Variants in TEC observed in about 807,000 individuals in gnomAD.
The protein encoded by TEC is tec protein tyrosine kinase, also known as tyrosine-protein kinase Tec.
In TEC, 72 loss-of-function variants were observed where a neutral mutation model predicts 93.0. The observed-to-expected ratio is 0.77, with a 90% confidence interval of 0.64 to 0.94. The LOEUF (loss-of-function observed/expected upper bound fraction) is 0.94. TEC is among the 40% of genes least tolerant of loss of function. TEC has a pLI of 0.00. For missense variants in TEC, 630 were observed against 757.9 expected, an observed-to-expected ratio of 0.83 and a Z score of 1.98; for synonymous variants, 249 against 247.7, an observed-to-expected ratio of 1.01 and a Z score of -0.05.
At chr4:48,137,906 C>T (rs1277908244) in intron 17 of TEC, among the ~76,000 whole-genome samples, 1 of 152,144 alleles carries the variant, frequency 6.6e-6, no homozygotes, top group Non-Finnish European at 1.5e-5. Flanking sequence ...TTATAACCAC[C>T]TCCTTACCTT....
At chr4:48,265,513 A>T (rs1379709905) in intron 1 of TEC, among the ~76,000 whole-genome samples, 16 of 89,858 alleles carry the variant, frequency 1.8e-4, no homozygotes, top group African/African-American at 5.1e-4. Context: ...ATATATATAT[A>T]TATTTTTTTT....
At chr4:48,157,212 T>G (rs1277700522) in intron 8 of TEC, among the ~76,000 whole-genome samples, 4 of 152,228 alleles carry the variant, frequency 2.6e-5, no homozygotes, top group Admixed American at 6.5e-5. Flanking sequence ...TATTATTGTC[T>G]GTAATTCAAA....
At position 48,152,103 on chromosome 4, in the gene TEC, A is replaced by G. The variant is rs74653304; in HGVS notation, c.793-1161T>C. Among the ~76,000 whole-genome samples, 1,090 of 152,312 alleles carry G rather than the reference A, an allele frequency of 7.2e-3. 15 individuals are homozygous for G. The highest frequency in any genetic ancestry group is 0.025 in the African/African-American group (1,028 of 41,550). Reference sequence around the variant, plus strand: ...TCCACAAAAATATCTGGTAACAATTAGGGATAATAATTGTAACTGGTCAGT... The same window carrying G: ...TCCACAAAAATATCTGGTAACAATTGGGGATAATAATTGTAACTGGTCAGT... On this transcript the variant is annotated intron_variant, in intron 9 of 17. Transcript: ENST00000381501.
intron 1 of TEC, among the ~76,000 whole-genome samples, chr4:48,239,981 A>AGTGTGTGTGT (rs5858109): frequency 1.9e-3 from 286 of 149,596 alleles, no homozygotes; most frequent in African/African-American, 5.1e-3. Flanking sequence ...TTGCTCTGTG[A>AGTGTGTGTGT]GTGTGTGTGT....
chr4:48,195,247 G>C (rs980230611), intron 2 of TEC, among the ~76,000 whole-genome samples: 2 of 152,148 alleles, frequency 1.3e-5, no homozygotes, highest in Admixed American at 6.5e-5. Context: ...GTACTATTCT[G>C]TCTACTGTTC....
chr4:48,214,989 C>A (rs556468334), intron 2 of TEC, among the ~76,000 whole-genome samples: 72 of 152,014 alleles, frequency 4.7e-4, no homozygotes, highest in African/African-American at 1.7e-3. Context: ...CCTGTCTCTA[C>A]TAAAAATACA....
intron 15 of TEC, among the ~76,000 whole-genome samples, chr4:48,139,655 C>T (rs1310584385): frequency 4.6e-5 from 7 of 152,126 alleles, no homozygotes; most frequent in African/African-American, 1.7e-4. Flanking sequence ...GAAGAACATA[C>T]AAAAACTGGT....
chr4:48,237,796 TCAC>T (rs1222532868), intron 1 of TEC, among the ~76,000 whole-genome samples: 1 of 152,234 alleles, frequency 6.6e-6, no homozygotes, highest in Non-Finnish European at 1.5e-5. Context: ...TGACCTTATT[TCAC>T]ATCTCATCAC....
At chr4:48,253,083 A>T (rs1383919215) in intron 1 of TEC, among the ~76,000 whole-genome samples, 1 of 152,100 alleles carries the variant, frequency 6.6e-6, no homozygotes, top group Non-Finnish European at 1.5e-5. Flanking sequence ...GAACCTCGTT[A>T]ACATCTCCCA....
At chr4:48,216,623 C>T (rs565887881) in intron 2 of TEC, among the ~76,000 whole-genome samples, 2 of 152,136 alleles carry the variant, frequency 1.3e-5, no homozygotes, top group South Asian at 4.2e-4. Flanking sequence ...AACTACAATG[C>T]CATTTTCCAA....
At chr4:48,145,692 C>T in intron 12 of TEC, 113 bp from the exon 13 acceptor site, 3 of 1,149,228 alleles carry the variant, frequency 2.6e-6, no homozygotes, top group Non-Finnish European at 3.7e-6. Context: ...CAGGATAACA[C>T]TGTAATAATT....
intron 3 of TEC, among the ~76,000 whole-genome samples, chr4:48,174,738 G>A (rs1378443609): frequency 6.6e-6 from 1 of 151,456 alleles, no homozygotes; most frequent in African/African-American, 2.4e-5. Context: ...ACATACTTAA[G>A]AAGAAGGTTT....
At chr4:48,192,115 C>T (rs1252888347) in intron 2 of TEC, among the ~76,000 whole-genome samples, 2 of 152,172 alleles carry the variant, frequency 1.3e-5, no homozygotes, top group Non-Finnish European at 1.5e-5. Flanking sequence ...ACCCAAACAT[C>T]CATCAACAGG....
chr4:48,194,448 A>G (rs775281877), intron 2 of TEC, among the ~76,000 whole-genome samples: 5 of 152,252 alleles, frequency 3.3e-5, no homozygotes, highest in Non-Finnish European at 2.9e-5. Flanking sequence ...TCAATGTTAA[A>G]GAGATCACAT....
At chr4:48,169,109 C>T (rs1720997232) in intron 5 of TEC, among the ~76,000 whole-genome samples, 1 of 152,036 alleles carries the variant, frequency 6.6e-6, no homozygotes, top group Non-Finnish European at 1.5e-5. Context: ...TGGGGTGTGC[C>T]ATTTTTAGAT....
intron 1 of TEC, among the ~76,000 whole-genome samples, chr4:48,259,577 G>A (rs1812667): frequency 0.089 from 13,583 of 152,012 alleles, 762 homozygotes; most frequent in South Asian, 0.19. Flanking sequence ...ATAGCCGGGC[G>A]TGGTGGCACA....
intron 2 of TEC, among the ~76,000 whole-genome samples, chr4:48,222,556 G>C (rs187431021): frequency 6.6e-6 from 1 of 151,898 alleles, no homozygotes; most frequent in Non-Finnish European, 1.5e-5. Flanking sequence ...AGTGTTTCTC[G>C]GTGAGATCAG....
chr4:48,188,675 A>G (rs1195054641), intron 2 of TEC, among the ~76,000 whole-genome samples: 2 of 152,176 alleles, frequency 1.3e-5, no homozygotes, highest in Non-Finnish European at 2.9e-5. Flanking sequence ...GTGCATTCAC[A>G]TACTTATACA....
At chr4:48,217,964 A>AC (rs1333714538) in intron 2 of TEC, among the ~76,000 whole-genome samples, 1 of 152,064 alleles carries the variant, frequency 6.6e-6, no homozygotes, top group Admixed American at 6.5e-5. Flanking sequence ...GAGAAAAAAA[A>AC]AAAAAGACAG....
Sources: allele counts gnomAD v4.1 joint callset (sites outside exome capture counted in the v4.1 genomes callset), GRCh38; gene constraint gnomAD v4.1.1; transcripts MANE v1.5; gene names NCBI Gene and HGNC (gene_info 2026-07-23, HGNC 2026-07-21).